Variants in SAMMSON observed in about 807,000 individuals in gnomAD.
SAMMSON encodes the protein long intergenic non-protein coding RNA 1212.
chr3:70,166,759 C>T (rs1246175864), intron 4 of SAMMSON, among the ~76,000 whole-genome samples: 1 of 151,940 alleles, frequency 6.6e-6, no homozygotes, highest in Admixed American at 6.6e-5. Context: ...AGAATATTAA[C>T]ATTGAATACT....
chr3:70,254,994 A>G (rs747923833), intron 6 of SAMMSON, among the ~76,000 whole-genome samples: 1 of 152,196 alleles, frequency 6.6e-6, no homozygotes, highest in African/African-American at 2.4e-5. Flanking sequence ...ACTGATGGAC[A>G]TTTAGATTGT....
At chr3:70,106,506 ATT>A (rs10715914) in intron 4 of SAMMSON, among the ~76,000 whole-genome samples, 46 of 144,760 alleles carry the variant, frequency 3.2e-4, no homozygotes, top group East Asian at 6.1e-4. Flanking sequence ...ATGCCTGGCT[ATT>A]TTTTTTTTTT....
chr3:70,090,703 A>G (rs889306967), intron 4 of SAMMSON, among the ~76,000 whole-genome samples: 1 of 151,998 alleles, frequency 6.6e-6, no homozygotes, highest in Non-Finnish European at 1.5e-5. Context: ...CCTACTGTAC[A>G]CTTATGTTAA....
chr3:70,424,709 C>T (rs1470596163), intron 2 of SAMMSON: 4 of 152,190 alleles, frequency 2.6e-5, no homozygotes, highest in African/African-American at 4.8e-5. Flanking sequence ...CCTTTAATCA[C>T]TGCAGATTCA....
intron 3 of SAMMSON, chr3:70,014,072 C>T (rs1252909029): frequency 6.6e-6 from 1 of 152,150 alleles, no homozygotes; most frequent in Non-Finnish European, 1.5e-5. Context: ...GTCTGTTCTC[C>T]TCAGTATTGG....
chr3:70,174,155 T>C (rs1340485744), intron 4 of SAMMSON, among the ~76,000 whole-genome samples: 2 of 152,012 alleles, frequency 1.3e-5, no homozygotes, highest in Admixed American at 6.6e-5. Flanking sequence ...ATTTTACATT[T>C]TGGATAATTA....
At chr3:70,330,533 A>G (rs1001444864) in intron 7 of SAMMSON, among the ~76,000 whole-genome samples, 104 of 152,180 alleles carry the variant, frequency 6.8e-4, no homozygotes, top group African/African-American at 2.3e-3. Context: ...GAAGGAGAGG[A>G]AAAACTCAAT....
At chr3:70,047,896 CATT>C (rs2067132802) in intron 3 of SAMMSON, among the ~76,000 whole-genome samples, 1 of 152,172 alleles carries the variant, frequency 6.6e-6, no homozygotes. Flanking sequence ...TTTATAGTGG[CATT>C]AATCTATTTA....
At chr3:70,341,362 A>G (rs1032137765) in intron 7 of SAMMSON, among the ~76,000 whole-genome samples, 1 of 152,120 alleles carries the variant, frequency 6.6e-6, no homozygotes, top group Non-Finnish European at 1.5e-5. Context: ...GCAACCAAGA[A>G]TATTGTTTTT....
At chr3:70,061,209 C>G (rs1303236496) in intron 3 of SAMMSON, among the ~76,000 whole-genome samples, 1 of 151,888 alleles carries the variant, frequency 6.6e-6, no homozygotes, top group Admixed American at 6.6e-5. Context: ...TTTGGGTTTG[C>G]GTGTGTTGTG....
chr3:70,276,183 G>A (rs1184552749), intron 6 of SAMMSON, among the ~76,000 whole-genome samples: 2 of 152,000 alleles, frequency 1.3e-5, no homozygotes, highest in Non-Finnish European at 1.5e-5. Flanking sequence ...TATATAGCAG[G>A]TGTTCAATAA....
intron 3 of SAMMSON, among the ~76,000 whole-genome samples, chr3:70,032,962 G>C (rs888078506): frequency 3.3e-5 from 5 of 152,226 alleles, no homozygotes; most frequent in Admixed American, 2.0e-4. Context: ...TTGCCCAGGT[G>C]GGGGACAATT....
intron 4 of SAMMSON, among the ~76,000 whole-genome samples, chr3:70,227,090 A>C (rs1701515052): frequency 6.6e-6 from 1 of 152,218 alleles, no homozygotes; most frequent in Non-Finnish European, 1.5e-5. Flanking sequence ...CCCAGCACAC[A>C]AATTATATCC....
intron 7 of SAMMSON, among the ~76,000 whole-genome samples, chr3:70,347,190 T>G (rs1702758661): frequency 6.6e-6 from 1 of 152,222 alleles, no homozygotes; most frequent in African/African-American, 2.4e-5. Flanking sequence ...GGTGATTTCC[T>G]GACTATAAGC....
intron 3 of SAMMSON, among the ~76,000 whole-genome samples, chr3:70,020,940 C>A (rs1253586612): frequency 6.6e-6 from 1 of 152,200 alleles, no homozygotes; most frequent in East Asian, 1.9e-4. Context: ...GAGAAAATGG[C>A]AGAACCAAGT....
At chr3:70,247,012 CCTAT>C (rs1701713545) in intron 4 of SAMMSON, among the ~76,000 whole-genome samples, 1 of 151,746 alleles carries the variant, frequency 6.6e-6, no homozygotes, top group Non-Finnish European at 1.5e-5. Flanking sequence ...TGAGTGGTCG[CCTAT>C]CTGTTTCCAT....
chr3:70,339,118 C>T (rs572921490), intron 7 of SAMMSON, among the ~76,000 whole-genome samples: 2 of 152,264 alleles, frequency 1.3e-5, no homozygotes, highest in East Asian at 3.9e-4. Flanking sequence ...ACCATCTGAT[C>T]TTTGAGAATC....
chr3:70,055,850 G>A (rs1418589005), intron 3 of SAMMSON, among the ~76,000 whole-genome samples: 1 of 151,900 alleles, frequency 6.6e-6, no homozygotes, highest in Non-Finnish European at 1.5e-5. Context: ...AGCTCTTTGA[G>A]GACAATTGTA....
intron 1 of SAMMSON, among the ~76,000 whole-genome samples, chr3:70,011,491 T>C (rs1041028272): frequency 4.6e-5 from 7 of 152,140 alleles, no homozygotes; most frequent in Admixed American, 2.6e-4. Context: ...GTGTATAATT[T>C]GTCTGTAAAT....
Sources: allele counts gnomAD v4.1 joint callset (sites outside exome capture counted in the v4.1 genomes callset), GRCh38; gene constraint gnomAD v4.1.1; transcripts MANE v1.5; gene names NCBI Gene and HGNC (gene_info 2026-07-23, HGNC 2026-07-21).